The following KCNJ1 variants were observed in gnomAD, a reference collection of about 807,000 sequenced individuals.
KCNJ1 encodes potassium inwardly rectifying channel subfamily J member 1.
Under a neutral mutation model 21.9 loss-of-function variants are expected in KCNJ1, and 24 were observed. That is an observed-to-expected ratio of 1.10 (90% CI 0.79 to 1.54). The LOEUF is 1.54. KCNJ1 is among the 40% of genes most tolerant of loss of function. The probability of loss-of-function intolerance (pLI) is 0.00; values close to 1 mark genes in which losing one functional copy is unlikely to be tolerated. For missense variants in KCNJ1, 457 were observed against 455.4 expected (o/e 1.00, Z -0.03); for synonymous variants, 152 against 160.9 (o/e 0.94, Z 0.42).
chr11:128,864,634 T>C (rs1375236370), intron 1 of KCNJ1, among the ~76,000 whole-genome samples: 1 of 152,154 alleles, frequency 6.6e-6, no homozygotes, highest in Non-Finnish European at 1.5e-5. Context: ...CTTTTCTGTA[T>C]ACTTTTGGCT....
At chr11:128,854,785 T>A (rs1446429388) in intron 1 of KCNJ1, among the ~76,000 whole-genome samples, 1 of 152,116 alleles carries the variant, frequency 6.6e-6, no homozygotes, top group African/African-American at 2.4e-5. Context: ...TTAGCACAAA[T>A]CGTAATGATC....
At chr11:128,864,503 C>T (rs1409660436) in intron 1 of KCNJ1, among the ~76,000 whole-genome samples, 2 of 152,060 alleles carry the variant, frequency 1.3e-5, no homozygotes, top group Admixed American at 1.3e-4. Flanking sequence ...CCTGCTTGTT[C>T]ATGATGATTT....
rs778628255 is a variant in KCNJ1 at position 128,839,581 on chromosome 11, C to G, written c.663G>C (p.Glu221Asp). The G allele has an allele frequency of 1.2e-6, 2 of 1,614,150 alleles. No individual in the cohort carries two copies. Among genetic ancestry groups the G allele is most frequent in the East Asian group, 4.5e-5 (2 of 44,890 alleles). Residue 221 changes from glutamate to aspartate, a missense_variant, in exon 3 of 3, where the codon GAG becomes GAC. Coordinates refer to ENST00000392666, the MANE Select transcript of KCNJ1 (RefSeq NM_153766.3). ...TATTGATCTGGTCCAAAATAATGGT[C>G]TCTCCTTCAGGAGTGACTGTGGTCT... ...LLKTTVTPEG[E>D]TIILDQININ...
intron 1 of KCNJ1, among the ~76,000 whole-genome samples, chr11:128,866,050 G>A (rs982157775): frequency 5.3e-5 from 8 of 152,132 alleles, no homozygotes; most frequent in East Asian, 3.9e-4. Flanking sequence ...TGGCCCATAC[G>A]TTCCCAGATA....
In KCNJ1 at chr11:128,838,932, C is replaced by T. The variant is rs551197988; in HGVS notation, c.*193G>A. 2.1e-5 allele frequency: 13 copies of T among 605,534 alleles called. No homozygotes were observed. Among genetic ancestry groups the T allele is most frequent in the South Asian group, 6.0e-5 (3 of 50,078 alleles). 37.5% of individuals were successfully genotyped at this position (605,534 alleles called of 1,614,324 possible). On this transcript the variant is annotated 3_prime_UTR_variant, in exon 3 of 3. Transcript: ENST00000392666. ...ACCAGTTTCATATAAATGCATTGCA[C>T]GTTCTAATACAGTAGCCTTGTGGAG... is the stretch of plus-strand genomic sequence containing the variant.
chr11:128,846,704 G>A (rs1203024292), intron 2 of KCNJ1, among the ~76,000 whole-genome samples: 1 of 152,208 alleles, frequency 6.6e-6, no homozygotes, highest in Non-Finnish European at 1.5e-5. Context: ...GCTGAACAGA[G>A]CGACGGTACC....
intron 1 of KCNJ1, among the ~76,000 whole-genome samples, chr11:128,865,430 T>C (rs146088263): frequency 6.6e-6 from 1 of 152,030 alleles, no homozygotes; most frequent in African/African-American, 2.4e-5. Context: ...CAAAACACAA[T>C]GAGTTCTAAT....
At chr11:128,850,186 A>G (rs1180957448) in intron 2 of KCNJ1, among the ~76,000 whole-genome samples, 1 of 151,314 alleles carries the variant, frequency 6.6e-6, no homozygotes, top group Non-Finnish European at 1.5e-5. Context: ...CCCACGCCAC[A>G]CCCACCCCCT....
At chr11:128,859,867 G>T (rs1259211876) in intron 1 of KCNJ1, among the ~76,000 whole-genome samples, 1 of 152,272 alleles carries the variant, frequency 6.6e-6, no homozygotes, top group African/African-American at 2.4e-5. Context: ...ATTGTGATAA[G>T]GACTTAGAAA....
intron 1 of KCNJ1, among the ~76,000 whole-genome samples, chr11:128,862,403 C>T (rs1244318888): frequency 3.9e-5 from 6 of 152,258 alleles, no homozygotes; most frequent in African/African-American, 7.2e-5. Flanking sequence ...AGACCTGGTC[C>T]TGGGGAGCGC....
At chr11:128,842,561 T>G (rs1943302057) in intron 2 of KCNJ1, 7 of 1,506,462 alleles carry the variant, frequency 4.6e-6, no homozygotes, top group Non-Finnish European at 5.3e-6. Context: ...AATTTGATAG[T>G]GGAGTCGTGT....
At chr11:128,859,623 A>G (rs1359484180) in intron 1 of KCNJ1, among the ~76,000 whole-genome samples, 11 of 152,074 alleles carry the variant, frequency 7.2e-5, no homozygotes, top group Admixed American at 6.5e-4. Flanking sequence ...GTGAATTCCT[A>G]TGTCTAAGGC....
intron 2 of KCNJ1, among the ~76,000 whole-genome samples, chr11:128,847,186 G>A (rs1943397267): frequency 6.6e-6 from 1 of 152,138 alleles, no homozygotes; most frequent in East Asian, 1.9e-4. Flanking sequence ...CGCATCACCT[G>A]AAACATGCCC....
In KCNJ1 at chr11:128,840,130, C is replaced by T; in HGVS notation, c.114G>A (p.Glu38=). The T allele has an allele frequency of 6.2e-7, 1 of 1,614,136 alleles. No individual in the cohort carries two copies. Among genetic ancestry groups the T allele is most frequent in the Non-Finnish European group, 8.5e-7 (1 of 1,180,026 alleles). The change falls in exon 3 of 3, where the codon GAG becomes GAA. Residue 38 remains glutamate, a synonymous_variant. Coordinates refer to ENST00000392666, the MANE Select transcript of KCNJ1 (RefSeq NM_153766.3). ...CAAAGAATATAAACCTTGACTGTGC[C>T]TCCACATTGCCAAATTCTATGTTGC... ...GRCNIEFGNV[E]AQSRFIFFVD...
chr11:128,862,710 T>C lies in KCNJ1; in HGVS notation c.-192+4463A>G, dbSNP rs1370806545. Among the ~76,000 whole-genome samples, 3 of 152,310 alleles carry C rather than the reference T, an allele frequency of 2.0e-5. No homozygotes were observed. The East Asian group carries it at 5.8e-4, about 29-fold the overall frequency. ...CACTAAGGCCAGCACAGCGGGGGCTTCCCAGAGGTCTAAGGTGACCTTAGC... is the reference window on the plus strand; with the variant it reads ...CACTAAGGCCAGCACAGCGGGGGCTCCCCAGAGGTCTAAGGTGACCTTAGC... On this transcript the variant is annotated intron_variant, in intron 1 of 2. Transcript: ENST00000392666.
At position 128,839,547 on chromosome 11, in the gene KCNJ1, C is replaced by T; in HGVS notation, c.697G>A (p.Val233Ile). 1 of 1,613,980 alleles carries T rather than the reference C, an allele frequency of 6.2e-7. No individual in the cohort carries two copies. Among genetic ancestry groups the T allele is most frequent in the South Asian group, 1.1e-5 (1 of 91,080 alleles). ...AAATTTTCATTCCCAGCGTCAACTACAAAGTTGATATTGATCTGGTCCAAA... is the reference window on the plus strand; with the variant it reads ...AAATTTTCATTCCCAGCGTCAACTATAAAGTTGATATTGATCTGGTCCAAA... ...IILDQININF[V>I]VDAGNENLFF... Residue 233 changes from valine (V) to isoleucine (I), a missense_variant, in exon 3 of 3, where the codon GTA becomes ATA. Transcript: ENST00000392666.
intron 1 of KCNJ1, among the ~76,000 whole-genome samples, chr11:128,854,189 G>A (rs1325649263): frequency 6.6e-6 from 1 of 152,220 alleles, no homozygotes; most frequent in Non-Finnish European, 1.5e-5. Context: ...AAACTCACAG[G>A]GTCCCTCCTA....
At chr11:128,858,125 G>C (rs1054361952) in intron 1 of KCNJ1, among the ~76,000 whole-genome samples, 1 of 151,170 alleles carries the variant, frequency 6.6e-6, no homozygotes, top group Non-Finnish European at 1.5e-5. Flanking sequence ...GGCAGGATGG[G>C]GAGGGATGGT....
chr11:128,841,797 T>C (rs1010421946), intron 2 of KCNJ1, among the ~76,000 whole-genome samples: 1 of 152,164 alleles, frequency 6.6e-6, no homozygotes, highest in African/African-American at 2.4e-5. Flanking sequence ...ATTTGAAATG[T>C]TGAGGGCAGG....
Sources: gnomAD v4.1 joint callset for allele counts (sites outside exome capture counted in the v4.1 genomes callset) on GRCh38, gnomAD v4.1.1 for gene constraint, MANE v1.5 for transcripts, NCBI Gene and HGNC (gene_info 2026-07-23, HGNC 2026-07-21) for gene names.